The following CMIP variants were observed in gnomAD, a reference collection of about 807,000 sequenced individuals.
CMIP encodes c-Maf inducing protein, also known as C-Maf-inducing protein.
In CMIP, 13 loss-of-function variants were observed where a neutral mutation model predicts 97.3. The observed-to-expected ratio is 0.13, with a 90% CI of 0.09 to 0.21. CMIP has a LOEUF of 0.21. Ranked by LOEUF, CMIP falls within the 10% of genes least tolerant of loss-of-function variation. The pLI is 1.00. For synonymous variants in CMIP, 538 were observed against 436.3 expected (o/e 1.23, Z -2.91); for missense variants, 847 against 1,024.9 (o/e 0.83, Z 2.37).
intron 3 of CMIP, chr16:81,631,189 C>T (rs1430607600): frequency 6.6e-6 from 1 of 152,310 alleles, no homozygotes; most frequent in Non-Finnish European, 1.5e-5. Context: ...TAGGCACCTA[C>T]TAGGGTCGGG....
At chr16:81,553,958 G>T (rs1237280375) in intron 1 of CMIP, among the ~76,000 whole-genome samples, 1 of 152,220 alleles carries the variant, frequency 6.6e-6, no homozygotes, top group Non-Finnish European at 1.5e-5. Flanking sequence ...CCATGCAAGC[G>T]TTTCCAGTGG....
intron 2 of CMIP, chr16:81,610,363 G>A (rs968883721): frequency 1.0e-6 from 1 of 985,594 alleles, no homozygotes; most frequent in Non-Finnish European, 1.2e-6. Context: ...CATCCCACTT[G>A]CTCACTGCCC....
chr16:81,656,412 C>A (rs967912694), intron 4 of CMIP, among the ~76,000 whole-genome samples: 1 of 152,218 alleles, frequency 6.6e-6, no homozygotes, highest in Non-Finnish European at 1.5e-5. Context: ...TTACAAGCAG[C>A]CAATGTGGCT....
intron 1 of CMIP, among the ~76,000 whole-genome samples, chr16:81,551,068 C>T (rs1228818012): frequency 3.5e-5 from 5 of 141,948 alleles, no homozygotes; most frequent in Non-Finnish European, 7.6e-5. Flanking sequence ...TCCCGTCACA[C>T]GCACCCCAGT....
chr16:81,701,155 A>G (rs1047738235), intron 15 of CMIP, among the ~76,000 whole-genome samples: 6 of 151,288 alleles, frequency 4.0e-5, no homozygotes, highest in Admixed American at 3.9e-4. Flanking sequence ...AGGGAATGTC[A>G]GAGGCAGGGC....
rs548910790 is a variant in CMIP at position 81,569,576 on chromosome 16, A to G, written c.301-37991A>G. Among the ~76,000 whole-genome samples the G allele has an allele frequency of 2.0e-5, 3 of 152,368 alleles. No homozygotes were observed. The South Asian group carries it at 6.2e-4, about 32-fold the overall frequency. On this transcript the variant is annotated intron_variant, in intron 1 of 20. Coordinates refer to ENST00000537098, the MANE Select transcript of CMIP (RefSeq NM_198390.3). ...GTCCTGCCAAGGAGGCAAGCGGGCC[A>G]GAGAGAGGCGGCAGCAACTTTCTGA...
chr16:81,485,017 G>A (rs1036029278), intron 1 of CMIP, among the ~76,000 whole-genome samples: 4 of 151,904 alleles, frequency 2.6e-5, no homozygotes, highest in African/African-American at 4.8e-5. Context: ...CTTGAGCTGC[G>A]CATTGGAATT....
chr16:81,534,424 A>T (rs1390080168), intron 1 of CMIP, among the ~76,000 whole-genome samples: 2 of 152,124 alleles, frequency 1.3e-5, no homozygotes, highest in Non-Finnish European at 2.9e-5. Context: ...AATATAGAAA[A>T]CTGTTCATCC....
At chr16:81,703,183 C>CT (rs1226625013) in intron 17 of CMIP, among the ~76,000 whole-genome samples, 1 of 152,098 alleles carries the variant, frequency 6.6e-6, no homozygotes, top group African/African-American at 2.4e-5. Flanking sequence ...GAACGTGCCC[C>CT]TTCCTCTTAA....
At chr16:81,613,967 T>C (rs544651010) in intron 2 of CMIP, among the ~76,000 whole-genome samples, 1 of 152,238 alleles carries the variant, frequency 6.6e-6, no homozygotes, top group East Asian at 1.9e-4. Context: ...TCAGACGTGG[T>C]TCCTGACCTC....
intron 1 of CMIP, among the ~76,000 whole-genome samples, chr16:81,567,560 A>G (rs1381251028): frequency 1.3e-5 from 2 of 152,052 alleles, no homozygotes; most frequent in East Asian, 3.9e-4. Context: ...TCCACTTCAC[A>G]CCTTCAGGGA....
At chr16:81,505,569 C>T (rs1472945767) in intron 1 of CMIP, among the ~76,000 whole-genome samples, 2 of 152,220 alleles carry the variant, frequency 1.3e-5, no homozygotes, top group Non-Finnish European at 2.9e-5. Context: ...TTGTCTGTTT[C>T]CCCAGACTGT....
chr16:81,665,474 CA>C (rs371044339), intron 7 of CMIP: 77 of 152,038 alleles, frequency 5.1e-4, no homozygotes, highest in African/African-American at 1.7e-3. Context: ...ATCTGGGACC[CA>C]GAGAGGTGGG....
chr16:81,578,606 C>T (rs1036935571), intron 1 of CMIP, among the ~76,000 whole-genome samples: 1 of 152,202 alleles, frequency 6.6e-6, no homozygotes, highest in Admixed American at 6.5e-5. Flanking sequence ...CCCTTCAGTC[C>T]ATAAAGTATG....
chr16:81,547,262 C>T (rs1461535147), intron 1 of CMIP, among the ~76,000 whole-genome samples: 1 of 152,152 alleles, frequency 6.6e-6, no homozygotes, highest in East Asian at 1.9e-4. Flanking sequence ...GCGGCTGGGT[C>T]GTAGACCATG....
intron 1 of CMIP, among the ~76,000 whole-genome samples, chr16:81,471,704 C>T (rs577746843): frequency 1.1e-4 from 16 of 152,264 alleles, no homozygotes; most frequent in East Asian, 5.8e-4. Context: ...TCATCCTACG[C>T]GTACATACTG....
intron 1 of CMIP, among the ~76,000 whole-genome samples, chr16:81,507,946 C>T (rs1006196145): frequency 1.3e-5 from 2 of 152,140 alleles, no homozygotes; most frequent in South Asian, 2.1e-4. Flanking sequence ...GTGATTTTTG[C>T]CTTTCTTGGT....
At chr16:81,470,352 C>G (rs1907448828) in intron 1 of CMIP, among the ~76,000 whole-genome samples, 1 of 152,220 alleles carries the variant, frequency 6.6e-6, no homozygotes, top group Non-Finnish European at 1.5e-5. Context: ...AGCCTGCTGG[C>G]TGTGGTGGCT....
chr16:81,594,006 C>A (rs1328413748), intron 1 of CMIP, among the ~76,000 whole-genome samples: 9 of 104,764 alleles, frequency 8.6e-5, no homozygotes. Flanking sequence ...CCCCTCTTTC[C>A]TCCTCTTCCT....
Sources: allele counts gnomAD v4.1 joint callset (sites outside exome capture counted in the v4.1 genomes callset), GRCh38; gene constraint gnomAD v4.1.1; transcripts MANE v1.5; gene names NCBI Gene and HGNC (gene_info 2026-07-23, HGNC 2026-07-21).